SH3KBP1: variants seen among roughly 807,000 people sequenced by gnomAD.
SH3KBP1 encodes the protein SH3 domain-containing kinase-binding protein 1.
In SH3KBP1, 8 loss-of-function variants were observed where a neutral mutation model predicts 50.1. That is an observed-to-expected ratio of 0.16 (90% CI 0.09 to 0.29). SH3KBP1 has a LOEUF of 0.29. Among genes scored for constraint, SH3KBP1 ranks in the 10% least tolerant of loss-of-function variants. SH3KBP1 has a pLI of 1.00. For missense variants in SH3KBP1, 377 were observed against 535.2 expected (o/e 0.70, Z 2.92); for synonymous variants, 227 against 218.6 (o/e 1.04, Z -0.34).
chrX:19,729,673 A>C (rs981185967), intron 3 of SH3KBP1, among the ~76,000 whole-genome samples: 2 of 111,505 alleles, frequency 1.8e-5, no homozygotes, highest in Non-Finnish European at 3.8e-5. Context: ...AAATATACCC[A>C]CACCCTAAGG....
At chrX:19,727,819 A>G (rs182746484) in intron 3 of SH3KBP1, among the ~76,000 whole-genome samples, 1 of 112,065 alleles carries the variant, frequency 8.9e-6, no homozygotes, top group Non-Finnish European at 1.9e-5. Context: ...CCCAGTATCT[A>G]CTAAAAATAC....
chrX:19,592,019 T>C, intron 11 of SH3KBP1, 48 bp downstream of exon 11: 1 of 1,029,825 alleles, frequency 9.7e-7, no homozygotes. Context: ...AACAGACAGC[T>C]TCAGCTCCTG....
intron 3 of SH3KBP1, among the ~76,000 whole-genome samples, chrX:19,723,939 C>T (rs775551708): frequency 9.0e-6 from 1 of 111,123 alleles, no homozygotes; most frequent in South Asian, 3.8e-4. Context: ...CCCCGCCGAC[C>T]CCACCAAACA....
At chrX:19,789,037 T>C (rs1055426191) in intron 2 of SH3KBP1, among the ~76,000 whole-genome samples, 6 of 111,286 alleles carry the variant, frequency 5.4e-5, no homozygotes, top group African/African-American at 1.6e-4. Context: ...GGCAGGAGAA[T>C]TGCTTGAACC....
intron 6 of SH3KBP1, among the ~76,000 whole-genome samples, chrX:19,665,761 C>T (rs907814663): frequency 8.9e-6 from 1 of 111,739 alleles, no homozygotes; most frequent in Non-Finnish European, 1.9e-5. Context: ...AGAAAAGACA[C>T]ACCACCATGC....
chrX:19,765,364 G>A (rs1425445437), intron 2 of SH3KBP1, among the ~76,000 whole-genome samples: 2 of 110,449 alleles, frequency 1.8e-5, no homozygotes, highest in South Asian at 3.8e-4. Flanking sequence ...TTCATTCAGG[G>A]GCTGTAGGAG....
intron 1 of SH3KBP1, among the ~76,000 whole-genome samples, chrX:19,839,939 G>T: frequency 8.9e-6 from 1 of 112,519 alleles, no homozygotes; most frequent in Non-Finnish European, 1.9e-5. Flanking sequence ...CCCAACAAAG[G>T]TGCTACTAAA....
intron 6 of SH3KBP1, among the ~76,000 whole-genome samples, chrX:19,676,389 G>A (rs892378304): frequency 3.6e-5 from 4 of 111,255 alleles, no homozygotes; most frequent in Admixed American, 1.9e-4. Context: ...TGGTTAATGC[G>A]TACATAAAAA....
intron 1 of SH3KBP1, among the ~76,000 whole-genome samples, chrX:19,876,276 G>A (rs904586469): frequency 1.8e-5 from 2 of 111,777 alleles, no homozygotes; most frequent in Non-Finnish European, 3.8e-5. Context: ...CAGGAGAATC[G>A]CTTGAACCCG....
At chrX:19,695,138 T>C in intron 5 of SH3KBP1, 1 of 791,133 alleles carries the variant, frequency 1.3e-6, no homozygotes, top group Non-Finnish European at 1.9e-6. Flanking sequence ...GGACTCTCAG[T>C]TGTCTTGACC....
At chrX:19,556,201 T>C (rs2065482643) in intron 13 of SH3KBP1, among the ~76,000 whole-genome samples, 2 of 111,736 alleles carry the variant, frequency 1.8e-5, no homozygotes, top group Non-Finnish European at 3.8e-5. Flanking sequence ...ATCATGCAGA[T>C]AGAATTCTGT....
intron 3 of SH3KBP1, among the ~76,000 whole-genome samples, chrX:19,707,830 GAGACAGACAGACAGAC>G (rs56755263): frequency 1.8e-4 from 19 of 107,390 alleles, no homozygotes; most frequent in African/African-American, 3.2e-4. Context: ...GGGTGAGGGT[GAGACAGACAGACAGAC>G]AGACAGACAG....
At chrX:19,801,309 T>C (rs2066883697) in intron 2 of SH3KBP1, among the ~76,000 whole-genome samples, 4 of 111,244 alleles carry the variant, frequency 3.6e-5, no homozygotes, top group Non-Finnish European at 7.6e-5. Context: ...AGAACACAGG[T>C]TTCTGATGTC....
chrX:19,845,083 A>T (rs780220772), intron 1 of SH3KBP1, among the ~76,000 whole-genome samples: 2 of 111,282 alleles, frequency 1.8e-5, no homozygotes, highest in East Asian at 2.9e-4. Context: ...CGTCTCAAAA[A>T]ATAGAATATC....
intron 13 of SH3KBP1, among the ~76,000 whole-genome samples, chrX:19,553,159 A>G (rs2065291573): frequency 9.0e-6 from 1 of 111,401 alleles, no homozygotes; most frequent in African/African-American, 3.3e-5. Context: ...AGAGGAATGC[A>G]GAGAGCCAGG....
intron 2 of SH3KBP1, among the ~76,000 whole-genome samples, chrX:19,818,145 T>C (rs1235211362): frequency 1.8e-5 from 2 of 112,311 alleles, no homozygotes; most frequent in Non-Finnish European, 3.8e-5. Flanking sequence ...TCTGAGAACA[T>C]ATCCCTGTTG....
At chrX:19,555,621 T>A (rs2065465061) in intron 13 of SH3KBP1, among the ~76,000 whole-genome samples, 1 of 112,016 alleles carries the variant, frequency 8.9e-6, no homozygotes, top group African/African-American at 3.2e-5. Context: ...CCTGGCAATG[T>A]CGCTACCTCC....
intron 6 of SH3KBP1, chrX:19,664,601 G>A (rs755260822): frequency 7.2e-5 from 8 of 111,716 alleles, no homozygotes; most frequent in South Asian, 3.8e-4. Flanking sequence ...TGGGCACTGC[G>A]TACGAAAATA....
At chrX:19,652,476 G>A (rs749724134) in intron 6 of SH3KBP1, among the ~76,000 whole-genome samples, 3 of 110,621 alleles carry the variant, frequency 2.7e-5, no homozygotes, top group Non-Finnish European at 3.8e-5. Context: ...CCACGTATGC[G>A]TACACACACA....
Sources: gnomAD v4.1 joint callset for allele counts (sites outside exome capture counted in the v4.1 genomes callset) on GRCh38, gnomAD v4.1.1 for gene constraint, MANE v1.5 for transcripts, NCBI Gene and HGNC (gene_info 2026-07-23, HGNC 2026-07-21) for gene names.